MRNIP: variants seen among roughly 807,000 people sequenced by gnomAD.
MRNIP encodes MRN complex interacting protein.
MRNIP carries 30 observed loss-of-function variants against 29.8 expected under a neutral mutation model. That is an observed-to-expected ratio of 1.01 (90% CI 0.75 to 1.36). MRNIP has a LOEUF of 1.36. MRNIP is among the 40% of genes most tolerant of loss of function. MRNIP has a pLI of 0.00. For synonymous variants in MRNIP, 201 were observed against 164.1 expected, an observed-to-expected ratio of 1.23 and a Z score of -1.72; for missense variants, 459 against 423.5, an observed-to-expected ratio of 1.08 and a Z score of -0.74.
chr5:179,846,819 G>C (rs899484153), intron 3 of MRNIP, among the ~76,000 whole-genome samples: 2 of 152,138 alleles, frequency 1.3e-5, no homozygotes, highest in African/African-American at 4.8e-5. Flanking sequence ...GTTGCAGAGT[G>C]GATCTAGTTC....
intron 2 of MRNIP, among the ~76,000 whole-genome samples, chr5:179,849,879 TGGCACAGGCAGA>T (rs1759286928): frequency 3.2e-5 from 2 of 62,918 alleles, no homozygotes; most frequent in East Asian, 3.1e-3. Context: ...GGTCCCGCTA[TGGCACAGGCAGA>T]TGGTACGAGA....
At chr5:179,842,941 G>A (rs1476797633) in intron 4 of MRNIP, among the ~76,000 whole-genome samples, 4 of 151,766 alleles carry the variant, frequency 2.6e-5, no homozygotes, top group South Asian at 2.1e-4. Flanking sequence ...GCTGAGGCAG[G>A]AGAATTGCTT....
At chr5:179,847,028 A>AT (rs962669354) in intron 3 of MRNIP, 17 of 149,978 alleles carry the variant, frequency 1.1e-4, no homozygotes, top group African/African-American at 3.2e-4. Flanking sequence ...TGGCTTCTAC[A>AT]TTTTTTTTTA....
At chr5:179,844,048 G>A in intron 4 of MRNIP, 104 bp downstream of exon 4, 1 of 894,910 alleles carries the variant, frequency 1.1e-6, no homozygotes, top group East Asian at 2.5e-5. Context: ...CCTGTCATTG[G>A]GTGGCATCAA....
intron 5 of MRNIP, 82 bp from the exon 6 acceptor site, chr5:179,841,041 G>A: frequency 1.0e-6 from 1 of 986,124 alleles, no homozygotes. Flanking sequence ...ATGGCCCACA[G>A]GCTCGGGTGG....
chr5:179,852,057 G>A (rs1315302452), intron 2 of MRNIP, among the ~76,000 whole-genome samples: 1 of 151,938 alleles, frequency 6.6e-6, no homozygotes, highest in Non-Finnish European at 1.5e-5. Flanking sequence ...GAGGCAGGTG[G>A]ATCATTTGAG....
At chr5:179,847,908 T>C (rs1759198666) in intron 3 of MRNIP, 70 bp downstream of exon 3, 1 of 1,039,168 alleles carries the variant, frequency 9.6e-7, no homozygotes, top group South Asian at 1.5e-5. Context: ...GGATTTCCAC[T>C]GTGTACTTCT....
At position 179,838,125 on chromosome 5, in the gene MRNIP, T is replaced by G. The variant is rs571171528; in HGVS notation, c.538-240A>C. 1.6e-4 allele frequency: 95 copies of G among 580,128 alleles called. No individual in the cohort carries two copies. The South Asian group carries it at 2.0e-3, about 12-fold the overall frequency. 35.9% of individuals were successfully genotyped at this position (580,128 alleles called of 1,614,324 possible). On this transcript the variant is annotated intron_variant, in intron 6 of 6. Coordinates refer to ENST00000292586, the MANE Select transcript of MRNIP (RefSeq NM_016175.4). ...CAGGCTTTCCAAAAACAAGACATTC[T>G]CATGTCATCAGGTGATCCATCTCCT... is the stretch of plus-strand genomic sequence containing the variant.
At position 179,858,745 on chromosome 5, in the gene MRNIP, A is replaced by G. The variant is rs1759714173; in HGVS notation, c.52T>C (p.Phe18Leu). The change falls in exon 1 of 7, where the codon TTC becomes CTC. Residue 18 changes from phenylalanine (F) to leucine (L), a missense_variant. Phe to Leu is a conservative substitution (Grantham distance 22, BLOSUM62 0). Transcript: ENST00000292586. ...ACCCGCCAGACCTGGTGCGCCTGGA[A>G]GAGGCGGCAGCTGCAGCAGCGTAGC... is the stretch of plus-strand genomic sequence containing the variant. ...RVLRCCSCRL[F>L]QAHQVKKSVK... 2 of 1,529,980 alleles carry G rather than the reference A, an allele frequency of 1.3e-6. No individual in the cohort carries two copies. The highest frequency in any genetic ancestry group is 1.8e-6 in the Non-Finnish European group (2 of 1,137,928). The allele number at this position is 1,529,980 out of a possible 1,614,324, so 94.8% of individuals were successfully genotyped here.
intron 2 of MRNIP, chr5:179,851,182 AG>A (rs1759351503): frequency 4.4e-6 from 2 of 453,728 alleles, no homozygotes; most frequent in Admixed American, 4.7e-5. Context: ...TTCCTCAAGG[AG>A]AATGTAGAAA....
intron 1 of MRNIP, among the ~76,000 whole-genome samples, chr5:179,858,293 C>T (rs1338746583): frequency 6.6e-6 from 1 of 152,194 alleles, no homozygotes; most frequent in Non-Finnish European, 1.5e-5. Flanking sequence ...CATATCAAGT[C>T]CCTGGCCCCG....
intron 2 of MRNIP, among the ~76,000 whole-genome samples, chr5:179,849,514 C>G (rs1486837336): frequency 1.5e-5 from 2 of 137,138 alleles, no homozygotes; most frequent in South Asian, 2.4e-4. Flanking sequence ...GAATTTGTGA[C>G]CATGGGTCCT....
At chr5:179,851,309 G>A (rs1270162771) in intron 2 of MRNIP, 1 of 456,102 alleles carries the variant, frequency 2.2e-6, no homozygotes, top group Non-Finnish European at 4.4e-6. Flanking sequence ...GGGCATCCGA[G>A]TCAGCCTGGG....
chr5:179,854,850 T>C (rs951190981), intron 1 of MRNIP, among the ~76,000 whole-genome samples: 16 of 152,328 alleles, frequency 1.1e-4, no homozygotes, highest in African/African-American at 3.6e-4. Flanking sequence ...ACTAGATGTG[T>C]TCTCTCTTAA....
chr5:179,844,265 A>C, intron 3 of MRNIP, 38 bp from the exon 4 acceptor site: 1 of 1,567,374 alleles, frequency 6.4e-7, no homozygotes, highest in Non-Finnish European at 8.8e-7. Context: ...TTGAAAAATG[A>C]CCAGGGGCTG....
chr5:179,849,374 T>C (rs1480732006), intron 2 of MRNIP, among the ~76,000 whole-genome samples: 2 of 151,250 alleles, frequency 1.3e-5, no homozygotes, highest in Non-Finnish European at 3.0e-5. Flanking sequence ...CCATGGATCC[T>C]GCAATGACAC....
At chr5:179,841,119 T>C (rs1758866048) in intron 5 of MRNIP, 160 bp from the exon 6 acceptor site, 1 of 586,158 alleles carries the variant, frequency 1.7e-6, no homozygotes, top group African/African-American at 1.9e-5. Flanking sequence ...CAGGCCCCAC[T>C]CCCCTGCTTC....
chr5:179,840,680 G>A (rs980934112), intron 6 of MRNIP, 192 bp downstream of exon 6: 5 of 609,156 alleles, frequency 8.2e-6, no homozygotes, highest in Admixed American at 2.7e-5. Flanking sequence ...GAGACGAGAG[G>A]CATGGGAGGG....
At chr5:179,858,709 A>AG in intron 1 of MRNIP, 22 bp downstream of exon 1, 2 of 1,418,662 alleles carry the variant, frequency 1.4e-6, no homozygotes, top group Non-Finnish European at 1.9e-6. Flanking sequence ...GAGGAGGAGG[A>AG]GGGGGCTGGC....
Sources: gnomAD v4.1 joint callset for allele counts (sites outside exome capture counted in the v4.1 genomes callset) on GRCh38, gnomAD v4.1.1 for gene constraint, MANE v1.5 for transcripts, NCBI Gene and HGNC (gene_info 2026-07-23, HGNC 2026-07-21) for gene names.